Variants in CLXN observed in about 807,000 individuals in gnomAD.
CLXN encodes calaxin.
chr8:48,714,443 G>A, the CLXN span, among the ~76,000 whole-genome samples: 1 of 152,302 alleles, frequency 6.6e-6, no homozygotes, highest in South Asian at 2.1e-4. Flanking sequence ...ACAGTCAAGT[G>A]CCACGATCAT....
At chr8:48,731,578 TACAG>T in the CLXN span, 8 of 1,291,978 alleles carry the variant, frequency 6.2e-6, no homozygotes, top group South Asian at 8.1e-5. Flanking sequence ...GCAATAAGTT[TACAG>T]ACAAACAACG....
the CLXN span, chr8:48,730,732 T>A: frequency 1.5e-6 from 1 of 675,980 alleles, no homozygotes; most frequent in Non-Finnish European, 2.4e-6. Context: ...CTTTTAAAAT[T>A]AAGAGAACAC....
At chr8:48,719,940 GT>G in the CLXN span, among the ~76,000 whole-genome samples, 1 of 152,068 alleles carries the variant, frequency 6.6e-6, no homozygotes. Context: ...TTAAAGCATT[GT>G]TGCGGGAAGT....
At chr8:48,731,816 G>T in the CLXN span, among the ~76,000 whole-genome samples, 1 of 152,036 alleles carries the variant, frequency 6.6e-6, no homozygotes, top group Non-Finnish European at 1.5e-5. Flanking sequence ...AAATAAGAAT[G>T]GTAAGACTAA....
the CLXN span, chr8:48,723,406 T>A: frequency 6.6e-6 from 1 of 152,248 alleles, no homozygotes; most frequent in Non-Finnish European, 1.5e-5. Flanking sequence ...CAGTAAAATA[T>A]GTTTTCTTTT....
the CLXN span, chr8:48,715,682 C>T: frequency 6.6e-6 from 1 of 152,184 alleles, no homozygotes; most frequent in East Asian, 1.9e-4. Context: ...TGCCCAGAGT[C>T]CAAGATGTAT....
chr8:48,717,026 A>C, the CLXN span, among the ~76,000 whole-genome samples: 1 of 152,284 alleles, frequency 6.6e-6, no homozygotes, highest in East Asian at 1.9e-4. Context: ...TCAGCCAGGC[A>C]TGGTGGCACG....
chr8:48,729,871 T>G, the CLXN span: 2 of 1,599,954 alleles, frequency 1.3e-6, no homozygotes, highest in Admixed American at 1.7e-5. Flanking sequence ...TTCAAAGCAA[T>G]CTTTTTAAGA....
the CLXN span, chr8:48,729,250 G>T: frequency 2.1e-6 from 2 of 955,864 alleles, no homozygotes; most frequent in Non-Finnish European, 3.1e-6. Context: ...CTAGGCTGGG[G>T]ATGGTGGCTC....
chr8:48,721,373 TC>T, the CLXN span, among the ~76,000 whole-genome samples: 1 of 145,902 alleles, frequency 6.9e-6, no homozygotes, highest in African/African-American at 2.8e-5. Context: ...ATTAAAATGT[TC>T]ATACTACCCA....
At chr8:48,721,231 T>C in the CLXN span, among the ~76,000 whole-genome samples, 1 of 151,956 alleles carries the variant, frequency 6.6e-6, no homozygotes, top group Non-Finnish European at 1.5e-5. Context: ...AAATAAAAAA[T>C]AGTAATAAAC....
the CLXN span, among the ~76,000 whole-genome samples, chr8:48,718,925 T>C: frequency 5.9e-5 from 9 of 151,966 alleles, no homozygotes; most frequent in East Asian, 1.7e-3. Context: ...AGCCCAAAGT[T>C]AGCAGAACGA....
At chr8:48,721,796 A>G in the CLXN span, among the ~76,000 whole-genome samples, 7 of 152,206 alleles carry the variant, frequency 4.6e-5, no homozygotes, top group Non-Finnish European at 1.0e-4. Flanking sequence ...ACAAAAGTCA[A>G]CTCAAAGTGG....
the CLXN span, chr8:48,724,765 G>T: frequency 4.3e-6 from 7 of 1,611,276 alleles, no homozygotes; most frequent in Admixed American, 1.7e-5. Flanking sequence ...AATTCATTTG[G>T]ATCTTTGAAT....
chr8:48,735,246 A>C, the CLXN span: 3 of 1,415,428 alleles, frequency 2.1e-6, no homozygotes, highest in Middle Eastern at 2.3e-4. Context: ...GTGCTGGGTC[A>C]ACGCGGTGAG....
chr8:48,729,112 T>G, the CLXN span: 20 of 1,613,602 alleles, frequency 1.2e-5, no homozygotes, highest in South Asian at 2.2e-4. Flanking sequence ...CAGTTCATAG[T>G]CTGCAAAAGA....
At chr8:48,712,861 A>G in the CLXN span, among the ~76,000 whole-genome samples, 6 of 151,926 alleles carry the variant, frequency 3.9e-5, no homozygotes, top group Admixed American at 3.3e-4. Flanking sequence ...TTAGCCAGAC[A>G]TGGTGGTGCG....
the CLXN span, chr8:48,711,394 A>C: frequency 6.6e-6 from 1 of 151,462 alleles, no homozygotes; most frequent in African/African-American, 2.4e-5. Flanking sequence ...CGCTCCTCTC[A>C]CTCTGCCTCT....
At chr8:48,731,339 G>A in the CLXN span, 1 of 1,590,556 alleles carries the variant, frequency 6.3e-7, no homozygotes, top group South Asian at 1.2e-5. Context: ...AATCTTGTGT[G>A]TCTCTTACCT....
Sources: gnomAD v4.1 joint callset for allele counts (sites outside exome capture counted in the v4.1 genomes callset) on GRCh38, gnomAD v4.1.1 for gene constraint, MANE v1.5 for transcripts, NCBI Gene and HGNC (gene_info 2026-07-23, HGNC 2026-07-21) for gene names.